The following RO60 variants were observed in gnomAD, a reference collection of about 807,000 sequenced individuals.
RO60 encodes RNA-binding protein RO60.
A neutral mutation model predicts 55.3 loss-of-function variants in RO60; 20 were observed. The ratio of observed to expected loss-of-function variants is 0.36; its 90% CI spans 0.25 to 0.53. RO60 has a LOEUF of 0.53. RO60 is among the 20% of genes least tolerant of loss of function. RO60 has a pLI of 0.92. For synonymous variants in RO60, 213 were observed against 213.6 expected, an observed-to-expected ratio of 1.00 and a Z score of 0.02; for missense variants, 558 against 646.6, an observed-to-expected ratio of 0.86 and a Z score of 1.49.
chr1:193,085,812 T>TCG lies in RO60; in HGVS notation c.*1081_*1082insCG. On this transcript the variant is annotated 3_prime_UTR_variant, in exon 9 of 9. Coordinates refer to ENST00000400968, the MANE Select transcript of RO60 (RefSeq NM_001173524.2). Reference sequence around the variant, plus strand: ...CAAATAATAAAGCAATCTAGGTCCTTTAGGTTTGAAAGGCAATTTTTGAGT... The same window carrying TCG: ...CAAATAATAAAGCAATCTAGGTCCTTCGTAGGTTTGAAAGGCAATTTTTGAGT... 1.0e-6 allele frequency: 1 copy of TCG among 985,226 alleles called. No individual in the cohort carries two copies. The highest frequency in any genetic ancestry group is 1.2e-6 in the Non-Finnish European group (1 of 829,756). The allele number at this position is 985,226 out of a possible 1,614,324, so 61.0% of individuals were successfully genotyped here.
chr1:193,060,014 C>T (rs1242378385), intron 1 of RO60: 1 of 1,358,712 alleles, frequency 7.4e-7, no homozygotes, highest in Non-Finnish European at 9.8e-7. Context: ...AGGGTGGGCC[C>T]TTTCCGAAGC....
chr1:193,076,110 C>T, intron 3 of RO60, 70 bp downstream of exon 3: 2 of 953,652 alleles, frequency 2.1e-6, no homozygotes, highest in Non-Finnish European at 1.5e-6. Context: ...AAAGGATAAA[C>T]TTGGGGTAGC....
In RO60 at chr1:193,082,572, G is replaced by A. The variant is rs745969552; in HGVS notation, c.1328G>A (p.Gly443Asp). The A allele has an allele frequency of 1.9e-6, 3 of 1,613,736 alleles. No individual in the cohort carries two copies. Among genetic ancestry groups the A allele is most frequent in the Admixed American group, 3.3e-5 (2 of 59,958 alleles). ...VLMAMSQIPA[G>D]GTDCSLPMIW... Reference sequence around the variant, plus strand: ...TTTGTTCCGAATTAGATCCCAGCAGGTGGAACTGATTGCTCTCTTCCAATG... The same window carrying A: ...TTTGTTCCGAATTAGATCCCAGCAGATGGAACTGATTGCTCTCTTCCAATG... Residue 443 changes from glycine (G) to aspartate (D), a missense_variant, in exon 8 of 9, where the codon GGT becomes GAT. By Grantham distance (94) the Gly-to-Asp change is moderately conservative. Coordinates refer to ENST00000400968, the MANE Select transcript of RO60 (RefSeq NM_001173524.2).
chr1:193,084,939 T>G lies in RO60; in HGVS notation c.*208T>G, dbSNP rs1278513957. On this transcript the variant is annotated 3_prime_UTR_variant, in exon 9 of 9. Transcript: ENST00000400968. ...CTAAACTAGCTCTTGGGGAAATAGCTTCAGGATACTGTAGTTTCCTCTATC... is the reference window on the plus strand; with the variant it reads ...CTAAACTAGCTCTTGGGGAAATAGCGTCAGGATACTGTAGTTTCCTCTATC... The G allele has an allele frequency of 1.3e-6, 2 of 1,524,684 alleles. No homozygotes were observed. Among genetic ancestry groups the G allele is most frequent in the Admixed American group, 2.3e-5 (1 of 43,628 alleles). The allele number at this position is 1,524,684 out of a possible 1,614,324, so 94.4% of individuals were successfully genotyped here.
rs549404223 is a variant in RO60 at position 193,084,866 on chromosome 1, GAAA to G, written c.*145_*147del. ...GTGCATAATGGAAAGTTACCTTACTGAAAAAAAAAAAAGAAGGAAAAATAAGAT... is the reference window on the plus strand; with the variant it reads ...GTGCATAATGGAAAGTTACCTTACTGAAAAAAAAAGAAGGAAAAATAAGAT... On this transcript the variant is annotated 3_prime_UTR_variant, in exon 9 of 9. Transcript: ENST00000400968. 69 of 1,113,318 alleles carry G rather than the reference GAAA, an allele frequency of 6.2e-5. No homozygotes were observed. In the South Asian group the frequency reaches 7.3e-4, roughly 12 times the overall value. The allele number at this position is 1,113,318 out of a possible 1,614,324, so 69.0% of individuals were successfully genotyped here. A position where few individuals can be genotyped will look rare whatever the true frequency, so the allele number is the denominator to read the frequency against.
chr1:193,060,079 C>T (rs1245935701), intron 1 of RO60: 1 of 1,285,232 alleles, frequency 7.8e-7, no homozygotes, highest in African/African-American at 1.5e-5. Flanking sequence ...TCGAGAGGGC[C>T]TGCTTTACTC....
At chr1:193,066,920 C>G (rs1398812912) in intron 1 of RO60, among the ~76,000 whole-genome samples, 1 of 152,164 alleles carries the variant, frequency 6.6e-6, no homozygotes, top group African/African-American at 2.4e-5. Flanking sequence ...AGTTTGCCTT[C>G]TCTGCTCAAA....
rs752115950 is a variant in RO60, at chr1:193,088,661, A to G, written c.*3930A>G. On this transcript the variant is annotated 3_prime_UTR_variant, in exon 9 of 9. Transcript: ENST00000400968. Reference sequence around the variant, plus strand: ...AAAATGAAAAATTCTAGTCTTATATACTGCAGGTTTGGGGTGATTGTTAAG... The same window carrying G: ...AAAATGAAAAATTCTAGTCTTATATGCTGCAGGTTTGGGGTGATTGTTAAG... The G allele has an allele frequency of 6.6e-5, 10 of 152,318 alleles. No homozygotes were observed. The South Asian group carries it at 1.4e-3, about 22-fold the overall frequency. 9.4% of individuals were successfully genotyped at this position (152,318 alleles called of 1,614,324 possible).
rs567659623 is a variant in RO60, at chr1:193,086,045, T to G, written c.*1314T>G. The G allele has an allele frequency of 6.5e-4, 635 of 982,820 alleles. No homozygotes were observed. The highest frequency in any genetic ancestry group is 7.3e-4 in the Non-Finnish European group (608 of 827,712). 60.9% of individuals were successfully genotyped at this position (982,820 alleles called of 1,614,324 possible). ...AGGTAGCTTACACATAAAACCTGTT[T>G]GCGTATCTGTTGTTCTCTAAATATT... On this transcript the variant is annotated 3_prime_UTR_variant, in exon 9 of 9. Coordinates refer to ENST00000400968, the MANE Select transcript of RO60 (RefSeq NM_001173524.2).
intron 1 of RO60, among the ~76,000 whole-genome samples, chr1:193,063,523 C>G (rs1389990190): frequency 6.6e-6 from 1 of 152,076 alleles, no homozygotes; most frequent in Non-Finnish European, 1.5e-5. Context: ...TTTTCACTTT[C>G]TTGATGGTGT....
At chr1:193,073,675 G>A (rs1436232290) in intron 2 of RO60, among the ~76,000 whole-genome samples, 2 of 152,206 alleles carry the variant, frequency 1.3e-5, no homozygotes, top group Non-Finnish European at 2.9e-5. Flanking sequence ...CTCAGTTCAA[G>A]TGATTCTCCT....
At chr1:193,084,480 A>C in intron 8 of RO60, 99 bp from the exon 9 acceptor site, 1 of 1,350,090 alleles carries the variant, frequency 7.4e-7, no homozygotes, top group Non-Finnish European at 9.7e-7. Context: ...TGTATTTAAA[A>C]AGCTCTGGTA....
intron 5 of RO60, among the ~76,000 whole-genome samples, chr1:193,078,214 T>TG (rs1270587247): frequency 1.3e-5 from 2 of 152,208 alleles, no homozygotes; most frequent in Non-Finnish European, 2.9e-5. Context: ...TCCTTCATGA[T>TG]GAAAAATAAA....
At chr1:193,084,186 A>G (rs1408864377) in intron 8 of RO60, among the ~76,000 whole-genome samples, 1 of 152,216 alleles carries the variant, frequency 6.6e-6, no homozygotes, top group Non-Finnish European at 1.5e-5. Flanking sequence ...TCATCAGCCA[A>G]AAGTTGATCA....
chr1:193,067,650 T>G (rs1016652246), intron 1 of RO60, among the ~76,000 whole-genome samples: 1 of 152,134 alleles, frequency 6.6e-6, no homozygotes, highest in African/African-American at 2.4e-5. Context: ...TTGAAGGACC[T>G]CAATAAACAG....
At position 193,090,829 on chromosome 1, in the gene RO60, T is replaced by G. The variant is rs911928041; in HGVS notation, c.*6098T>G. On this transcript the variant is annotated 3_prime_UTR_variant, in exon 9 of 9. Coordinates refer to ENST00000400968, the MANE Select transcript of RO60 (RefSeq NM_001173524.2). The stretch of plus-strand genomic sequence containing the variant: ...GGGGTCTGTTTAAATAATGCCTTAA[T>G]AGTGTTCTAATGTTTCTGAAATACA... 3.9e-5 allele frequency: 6 copies of G among 152,168 alleles called. No homozygotes were observed. The highest frequency in any genetic ancestry group is 1.4e-4 in the African/African-American group (6 of 41,462). The allele number at this position is 152,168 out of a possible 1,614,324, so 9.4% of individuals were successfully genotyped here. A position where few individuals can be genotyped will look rare whatever the true frequency, so the allele number is the denominator to read the frequency against.
chr1:193,078,728 G>A (rs1169609842), intron 5 of RO60, among the ~76,000 whole-genome samples: 1 of 151,896 alleles, frequency 6.6e-6, no homozygotes. Flanking sequence ...ATTAAGTCAT[G>A]AATAAATAGA....
At chr1:193,060,013 C>G (rs755037411) in intron 1 of RO60, 151 of 1,359,448 alleles carry the variant, frequency 1.1e-4, no homozygotes, top group Non-Finnish European at 1.4e-4. Context: ...CAGGGTGGGC[C>G]CTTTCCGAAG....
intron 2 of RO60, among the ~76,000 whole-genome samples, chr1:193,071,936 C>T (rs1673546956): frequency 6.6e-6 from 1 of 150,662 alleles, no homozygotes; most frequent in African/African-American, 2.4e-5. Context: ...CCCTTTTGTC[C>T]ACTTAGTTAC....
Sources: gnomAD v4.1 joint callset for allele counts (sites outside exome capture counted in the v4.1 genomes callset) on GRCh38, gnomAD v4.1.1 for gene constraint, MANE v1.5 for transcripts, NCBI Gene and HGNC (gene_info 2026-07-23, HGNC 2026-07-21) for gene names.